AKR1C3: variants seen among roughly 807,000 people sequenced by gnomAD.
AKR1C3 encodes 3-alpha hydroxysteroid dehydrogenase, type II.
Under a neutral mutation model 43.6 loss-of-function variants are expected in AKR1C3, and 48 were observed. That is an observed-to-expected ratio of 1.10 (90% CI 0.87 to 1.40). The LOEUF (loss-of-function observed/expected upper bound fraction) is 1.40, where lower values mean the gene tolerates loss of function less well. Ranked by LOEUF, AKR1C3 falls within the 40% of genes most tolerant of loss-of-function variation. The probability of loss-of-function intolerance (pLI) is 0.00; values close to 1 mark genes in which losing one functional copy is unlikely to be tolerated. For missense variants in AKR1C3, 482 were observed against 391.2 expected (o/e 1.23, Z -1.96); for synonymous variants, 162 against 139.6 (o/e 1.16, Z -1.13).
At chr10:5,073,383 A>C (rs1370445650) in intron 1 of AKR1C3, among the ~76,000 whole-genome samples, 3 of 152,208 alleles carry the variant, frequency 2.0e-5, no homozygotes, top group Non-Finnish European at 2.9e-5. Flanking sequence ...CAGACTTGAC[A>C]GTTGTCCCAA....
At chr10:5,086,024 C>G (rs1200668608) in intron 1 of AKR1C3, among the ~76,000 whole-genome samples, 2 of 151,736 alleles carry the variant, frequency 1.3e-5, no homozygotes, top group East Asian at 3.9e-4. Context: ...TTCAAAAAAC[C>G]AGCTCCTGGT....
intron 3 of AKR1C3, chr10:5,097,753 G>C (rs1839244609): frequency 7.4e-7 from 1 of 1,347,378 alleles, no homozygotes; most frequent in Non-Finnish European, 9.6e-7. Flanking sequence ...AGAGAAGAGA[G>C]TACAGCAACC....
At chr10:5,107,157 A>G (rs971595012) in intron 8 of AKR1C3, among the ~76,000 whole-genome samples, 9 of 152,184 alleles carry the variant, frequency 5.9e-5, no homozygotes, top group Non-Finnish European at 1.2e-4. Flanking sequence ...GGTAATAAGT[A>G]AAGTAACAAA....
intron 1 of AKR1C3, among the ~76,000 whole-genome samples, chr10:5,078,666 G>T (rs1221921460): frequency 6.6e-6 from 1 of 152,156 alleles, no homozygotes; most frequent in Non-Finnish European, 1.5e-5. Context: ...ATAGAATAGG[G>T]ATCTCACTGG....
chr10:5,096,642 C>A, intron 2 of AKR1C3, 65 bp downstream of exon 2: 1 of 1,522,336 alleles, frequency 6.6e-7, no homozygotes, highest in Admixed American at 1.9e-5. Flanking sequence ...GATGACAATT[C>A]TATGACTGGA....
chr10:5,076,269 G>A (rs563960097), intron 1 of AKR1C3, among the ~76,000 whole-genome samples: 1 of 152,304 alleles, frequency 6.6e-6, no homozygotes, highest in South Asian at 2.1e-4. Flanking sequence ...CAATGCAATA[G>A]TGTTGAGATG....
rs1400237543 is a variant in AKR1C3, at chr10:5,054,742, CCTT to C, written c.84+5850_84+5852del. ...CTCTTTGACTCTGTTTCCTCTCTCTCCTTCTCTTTGTCTCCCTGTTTCTGTCTC... is the reference window on the plus strand; with the variant it reads ...CTCTTTGACTCTGTTTCCTCTCTCTCCTCTTTGTCTCCCTGTTTCTGTCTC... On this transcript the variant is annotated intron_variant, in intron 1 of 8. Transcript: ENST00000439082. Among the ~76,000 whole-genome samples the C allele has an allele frequency of 3.9e-5, 6 of 152,248 alleles. No homozygotes were observed. The East Asian group carries it at 1.2e-3, about 29-fold the overall frequency.
At chr10:5,104,941 TATTCTCTCTCTCTC>T (rs1554786842) in intron 7 of AKR1C3, among the ~76,000 whole-genome samples, 3 of 152,184 alleles carry the variant, frequency 2.0e-5, no homozygotes, top group African/African-American at 7.2e-5. Flanking sequence ...TCATGTTTTT[TATTCTCTCTCTCTC>T]ATTCTCTGTA....
At chr10:5,100,955 TG>T (rs1479614840) in intron 5 of AKR1C3, among the ~76,000 whole-genome samples, 1 of 152,210 alleles carries the variant, frequency 6.6e-6, no homozygotes, top group Non-Finnish European at 1.5e-5. Flanking sequence ...TAAAATAAAT[TG>T]GAAAGATGAC....
intron 1 of AKR1C3, among the ~76,000 whole-genome samples, chr10:5,060,336 C>T (rs1247664931): frequency 1.3e-5 from 2 of 152,132 alleles, no homozygotes; most frequent in African/African-American, 4.8e-5. Flanking sequence ...TTACAGAGAG[C>T]CGATTGGTCT....
chr10:5,079,031 T>G (rs1554782115), intron 1 of AKR1C3, among the ~76,000 whole-genome samples: 1 of 152,230 alleles, frequency 6.6e-6, no homozygotes, highest in African/African-American at 2.4e-5. Flanking sequence ...ACTAGAGGAC[T>G]TGGATGGCAT....
rs782154151 is a variant in AKR1C3, at chr10:5,104,377, AT to A, written c.847-1217del. Among the ~76,000 whole-genome samples the A allele has an allele frequency of 2.9e-5, 3 of 105,078 alleles. No homozygotes were observed. In the East Asian group the frequency reaches 9.0e-4, roughly 31 times the overall value. The allele number at this position is 105,078 out of a possible 152,430, so 68.9% of individuals were successfully genotyped here. ...TTGAAAAGCATTCACATTTGCTCAC[AT>A]ATCTTGATTTTTTACTCTACCATAA... On this transcript the variant is annotated intron_variant, in intron 7 of 8. Coordinates refer to ENST00000380554, the MANE Select transcript of AKR1C3 (RefSeq NM_003739.6).
upstream of AKR1C3, among the ~76,000 whole-genome samples, chr10:5,092,558 C>A (rs1839118614): frequency 6.7e-6 from 1 of 148,530 alleles, no homozygotes; most frequent in Admixed American, 6.8e-5. Flanking sequence ...TATCTTCATT[C>A]TGCTCAAATT....
At chr10:5,050,242 T>C (rs1356384575) in intron 1 of AKR1C3, among the ~76,000 whole-genome samples, 1 of 152,256 alleles carries the variant, frequency 6.6e-6, no homozygotes, top group Non-Finnish European at 1.5e-5. Context: ...ACCCAAACAC[T>C]GTATTTGCCT....
At chr10:5,094,343 G>A, upstream of AKR1C3, 1 of 1,040,788 alleles carries the variant, frequency 9.6e-7, no homozygotes, top group Non-Finnish European at 1.4e-6. Flanking sequence ...TTAACCATCA[G>A]TCAGTTTGCA....
At chr10:5,101,115 T>C (rs528149487) in intron 5 of AKR1C3, among the ~76,000 whole-genome samples, 15 of 152,324 alleles carry the variant, frequency 9.8e-5, no homozygotes, top group Admixed American at 9.8e-4. Context: ...CACTGTTTAA[T>C]GGAAATGTCT....
At chr10:5,056,676 C>T (rs1460077247) in intron 1 of AKR1C3, among the ~76,000 whole-genome samples, 2 of 152,190 alleles carry the variant, frequency 1.3e-5, no homozygotes, top group African/African-American at 4.8e-5. Context: ...AATGCCCAGA[C>T]TTCAGGGTTG....
Position 5,094,512 on chromosome 10 carries a change from C to A in AKR1C3, c.68C>A (p.Thr23Asn). Residue 23 changes from threonine (T) to asparagine (N), a missense_variant, in exon 1 of 9, where the codon ACC becomes AAC. By Grantham distance (65) the Thr-to-Asn change is moderately conservative. Transcript: ENST00000380554. Reference sequence around the variant, plus strand: ...TTCATGCCTGTATTGGGATTTGGCACCTATGCACCTCCAGAGGTAAGAATA... The same window carrying A: ...TTCATGCCTGTATTGGGATTTGGCAACTATGCACCTCCAGAGGTAAGAATA... The part of the protein sequence containing the change: ...GHFMPVLGFG[T>N]YAPPEVPRSK... The A allele has an allele frequency of 6.2e-7, 1 of 1,612,750 alleles. No homozygotes were observed. The highest frequency in any genetic ancestry group is 8.5e-7 in the Non-Finnish European group (1 of 1,178,972).
intron 1 of AKR1C3, among the ~76,000 whole-genome samples, chr10:5,060,438 C>G (rs1554780092): frequency 6.6e-6 from 1 of 152,184 alleles, no homozygotes; most frequent in Non-Finnish European, 1.5e-5. Flanking sequence ...CAAGTCCCCA[C>G]CAGAGTAGTT....
Sources: allele counts gnomAD v4.1 joint callset (sites outside exome capture counted in the v4.1 genomes callset), GRCh38; gene constraint gnomAD v4.1.1; transcripts MANE v1.5; gene names NCBI Gene and HGNC (gene_info 2026-07-23, HGNC 2026-07-21).